IPO11: variants seen among roughly 807,000 people sequenced by gnomAD.
The protein encoded by IPO11 is importin-11.
Under a neutral mutation model 143.2 loss-of-function variants are expected in IPO11, and 66 were observed. The ratio of observed to expected loss-of-function variants is 0.46; its 90% CI spans 0.38 to 0.57. The LOEUF (loss-of-function observed/expected upper bound fraction) is 0.57. IPO11 is among the 20% of genes least tolerant of loss of function. The pLI, the probability that IPO11 is intolerant of heterozygous loss-of-function variation, is 0.00. For missense variants in IPO11, 1,026 were observed against 1,141.0 expected (o/e 0.90, Z 1.45); for synonymous variants, 385 against 377.8 (o/e 1.02, Z -0.22).
chr5:62,568,746 A>G (rs1335347866), intron 27 of IPO11, among the ~76,000 whole-genome samples: 1 of 152,086 alleles, frequency 6.6e-6, no homozygotes, highest in Non-Finnish European at 1.5e-5. Flanking sequence ...CTGATGCATT[A>G]TTTAGTGTGA....
intron 18 of IPO11, among the ~76,000 whole-genome samples, chr5:62,505,929 G>A (rs755498631): frequency 6.6e-6 from 1 of 152,028 alleles, no homozygotes; most frequent in African/African-American, 2.4e-5. Context: ...ACTGTTAACA[G>A]TTTAGTTAAC....
At chr5:62,457,227 G>A (rs1312101014) in intron 5 of IPO11, among the ~76,000 whole-genome samples, 1 of 152,180 alleles carries the variant, frequency 6.6e-6, no homozygotes, top group Non-Finnish European at 1.5e-5. Flanking sequence ...GGTGACTCAT[G>A]CCTGTAATCC....
At chr5:62,572,043 G>A (rs1006410389) in intron 27 of IPO11, among the ~76,000 whole-genome samples, 10 of 152,142 alleles carry the variant, frequency 6.6e-5, no homozygotes, top group Non-Finnish European at 1.0e-4. Context: ...CCCACCCAAA[G>A]TCAAGTACCA....
In IPO11 at chr5:62,504,893, C is replaced by G. The variant is rs768904370; in HGVS notation, c.1660C>G (p.Leu554Val). The G allele has an allele frequency of 1.3e-6, 2 of 1,548,830 alleles. No individual in the cohort carries two copies. The highest frequency in any genetic ancestry group is 2.4e-5 in the South Asian group (2 of 82,536). ...TTTTGAATTTAGAACAGATCAGTTT[C>G]TACCGGTAAGAATATACATTTCCAG... Reference protein sequence around the residue: ...DDFEFRTDQFLPYLETMFTLL... With the variant: ...DDFEFRTDQFVPYLETMFTLL... The change falls in exon 18 of 30, where the codon CTA becomes GTA. Residue 554 changes from leucine (L) to valine (V), a missense_variant. By Grantham distance (32) the Leu-to-Val change is conservative. Coordinates refer to ENST00000325324, the MANE Select transcript of IPO11 (RefSeq NM_016338.5).
Position 62,450,055 on chromosome 5 carries a change from A to G in IPO11, c.312+56A>G. 2.8e-6 allele frequency: 3 copies of G among 1,087,244 alleles called. 1 individual carries two copies. Among genetic ancestry groups the G allele is most frequent in the South Asian group, 3.0e-5 (2 of 67,566 alleles). The allele number at this position is 1,087,244 out of a possible 1,614,324, so 67.3% of individuals were successfully genotyped here. ...TTTATTTGTACTGCTTTTCCAAACT[A>G]ATTTTATATTCTGGCATTAAAATGA... On this transcript the variant is annotated intron_variant, in intron 4 of 29. Transcript: ENST00000325324.
At chr5:62,414,001 G>A (rs773050411) in intron 1 of IPO11, among the ~76,000 whole-genome samples, 1 of 152,152 alleles carries the variant, frequency 6.6e-6, no homozygotes, top group African/African-American at 2.4e-5. Context: ...CTAGCACAGG[G>A]TATAGTAGAA....
At chr5:62,500,789 C>T (rs1741321110) in intron 16 of IPO11, among the ~76,000 whole-genome samples, 2 of 152,172 alleles carry the variant, frequency 1.3e-5, no homozygotes, top group Admixed American at 6.5e-5. Flanking sequence ...TGAGCAACTG[C>T]ACCAGGCCAT....
intron 1 of IPO11, among the ~76,000 whole-genome samples, chr5:62,429,076 A>G (rs1014307704): frequency 6.6e-6 from 1 of 152,218 alleles, no homozygotes; most frequent in African/African-American, 2.4e-5. Context: ...TATACAATTC[A>G]GTAGTTTTTA....
chr5:62,500,259 G>C (rs1741303795), intron 16 of IPO11, among the ~76,000 whole-genome samples: 1 of 152,084 alleles, frequency 6.6e-6, no homozygotes, highest in African/African-American at 2.4e-5. Flanking sequence ...TTCCAGCCTG[G>C]GTGACAGAGT....
At chr5:62,433,604 G>A (rs1744069099) in intron 1 of IPO11, among the ~76,000 whole-genome samples, 1 of 152,118 alleles carries the variant, frequency 6.6e-6, no homozygotes, top group Non-Finnish European at 1.5e-5. Context: ...CACAAAATAG[G>A]TGCCCCAAAA....
chr5:62,420,334 C>T (rs543430021), intron 1 of IPO11, among the ~76,000 whole-genome samples: 1 of 150,628 alleles, frequency 6.6e-6, no homozygotes, highest in Non-Finnish European at 1.5e-5. Flanking sequence ...AATGCATAAA[C>T]CAGTAACATA....
In IPO11 at chr5:62,537,226, A is replaced by T. The variant is rs1458943834; in HGVS notation, c.2187A>T (p.Leu729=). The T allele has an allele frequency of 6.2e-7, 1 of 1,605,022 alleles. No individual in the cohort carries two copies. The highest frequency in any genetic ancestry group is 2.2e-5 in the East Asian group (1 of 44,736). The part of the protein sequence containing the change: ...TEFLQTYAVG[L]CQSFCELLKE... ...AATTTCAGACATACGCAGTAGGTCTATGCCAGTCCTTTTGTGAACTTTTAA... is the reference window on the plus strand; with the variant it reads ...AATTTCAGACATACGCAGTAGGTCTTTGCCAGTCCTTTTGTGAACTTTTAA... The change falls in exon 24 of 30, where the codon CTA becomes CTT. Residue 729 remains leucine, a synonymous_variant. Transcript: ENST00000325324.
intron 8 of IPO11, among the ~76,000 whole-genome samples, chr5:62,475,338 T>C (rs1349545504): frequency 6.6e-6 from 1 of 152,062 alleles, no homozygotes; most frequent in Non-Finnish European, 1.5e-5. Flanking sequence ...CTGGGCAACA[T>C]GACGAAACCC....
intron 19 of IPO11, among the ~76,000 whole-genome samples, chr5:62,512,876 T>G (rs200053243): frequency 0.16 from 21,049 of 129,566 alleles, no homozygotes; most frequent in Admixed American, 0.21. Flanking sequence ...ACACAGCACA[T>G]ATTTCAGAGA....
chr5:62,624,979 T>C (rs1255021042), intron 29 of IPO11, among the ~76,000 whole-genome samples: 2 of 48,844 alleles, frequency 4.1e-5, no homozygotes, highest in African/African-American at 8.2e-5. Context: ...AGCGAGAGAC[T>C]CAAAAAAAAA....
At chr5:62,487,957 G>A in intron 13 of IPO11, 96 bp downstream of exon 13, 2 of 987,140 alleles carry the variant, frequency 2.0e-6, no homozygotes, top group South Asian at 1.8e-5. Context: ...ACTGTTTCCT[G>A]GGTCATATAA....
chr5:62,567,486 A>AT (rs1434264407), intron 27 of IPO11, among the ~76,000 whole-genome samples: 1,280 of 47,804 alleles, frequency 0.027, 10 homozygotes, highest in African/African-American at 0.06. Context: ...TATTATTATT[A>AT]TTATTATTAT....
At chr5:62,602,054 C>G (rs566748727) in intron 29 of IPO11, among the ~76,000 whole-genome samples, 2 of 152,266 alleles carry the variant, frequency 1.3e-5, no homozygotes, top group East Asian at 3.9e-4. Flanking sequence ...TCTGAAATAA[C>G]TGTTGCTTAT....
intron 19 of IPO11, among the ~76,000 whole-genome samples, chr5:62,513,018 C>CA (rs1321598788): frequency 2.7e-5 from 4 of 150,228 alleles, no homozygotes; most frequent in Non-Finnish European, 5.9e-5. Flanking sequence ...TCTGATTTCT[C>CA]AATCTTTTCC....
Sources: gnomAD v4.1 joint callset for allele counts (sites outside exome capture counted in the v4.1 genomes callset) on GRCh38, gnomAD v4.1.1 for gene constraint, MANE v1.5 for transcripts, NCBI Gene and HGNC (gene_info 2026-07-23, HGNC 2026-07-21) for gene names.